LBR: variants seen among roughly 807,000 people sequenced by gnomAD.
LBR encodes delta(14)-sterol reductase LBR.
LBR carries 28 observed loss-of-function variants against 74.3 expected under a neutral mutation model. The ratio of observed to expected loss-of-function variants is 0.38; its 90% CI spans 0.28 to 0.52. The LOEUF is 0.52. Ranked by LOEUF, LBR falls within the 20% of genes least tolerant of loss-of-function variation. The pLI is 0.89. For missense variants in LBR, 717 were observed against 760.3 expected, an observed-to-expected ratio of 0.94 and a Z score of 0.67; for synonymous variants, 228 against 269.3, an observed-to-expected ratio of 0.85 and a Z score of 1.50.
At chr1:225,414,989 G>C (rs563970159) in intron 7 of LBR, among the ~76,000 whole-genome samples, 3 of 152,210 alleles carry the variant, frequency 2.0e-5, no homozygotes, top group Middle Eastern at 3.2e-3. Context: ...GCCCACATCC[G>C]TGTAACACCT....
chr1:225,415,275 C>A lies in LBR; in HGVS notation c.892+3G>T. 2 of 1,576,524 alleles carry A rather than the reference C, an allele frequency of 1.3e-6. No individual in the cohort carries two copies. The highest frequency in any genetic ancestry group is 1.1e-5 in the South Asian group (1 of 88,834). On this transcript the variant is annotated splice_donor_region_variant and intron_variant, in intron 7 of 13. Transcript: ENST00000272163. ...AATTTGAGTCTTAAAAAAAGAAAAT[C>A]ACCATTTAATCTATACTTGAGTCTT...
chr1:225,427,830 GCCAGGCCCCGCGCCCAGGGTC>G (rs1314039744), intron 1 of LBR, 103 bp downstream of exon 1: 7 of 152,322 alleles, frequency 4.6e-5, no homozygotes, highest in African/African-American at 1.7e-4. Flanking sequence ...AGGCCGCCGC[GCCAGGCCCCGCGCCCAGGGTC>G]CCCGGCCCGG....
intron 10 of LBR, among the ~76,000 whole-genome samples, chr1:225,409,749 A>C (rs1406072822): frequency 6.6e-6 from 1 of 152,254 alleles, no homozygotes; most frequent in African/African-American, 2.4e-5. Flanking sequence ...CCAGTCTTCA[A>C]CTAGTAGAAA....
chr1:225,408,012 C>A (rs936364181), intron 10 of LBR, among the ~76,000 whole-genome samples: 2 of 152,162 alleles, frequency 1.3e-5, no homozygotes, highest in Non-Finnish European at 2.9e-5. Context: ...TCCATCATCT[C>A]AAACACATTC....
chr1:225,420,133 C>A (rs1177397996), intron 3 of LBR, among the ~76,000 whole-genome samples: 1 of 152,012 alleles, frequency 6.6e-6, no homozygotes, highest in African/African-American at 2.4e-5. Context: ...CATGGTGAAA[C>A]CCTGTCTCTA....
At chr1:225,420,484 T>C (rs1019020215) in intron 3 of LBR, among the ~76,000 whole-genome samples, 2 of 152,078 alleles carry the variant, frequency 1.3e-5, no homozygotes, top group Non-Finnish European at 2.9e-5. Context: ...TGCTCCAAAA[T>C]AGCCCATAAT....
At chr1:225,406,881 G>A (rs1179149994) in intron 10 of LBR, 49 bp from the exon 11 acceptor site, 3 of 1,574,540 alleles carry the variant, frequency 1.9e-6, no homozygotes, top group Non-Finnish European at 2.6e-6. Context: ...TGTGTTTAAA[G>A]TATTCAAATA....
At position 225,422,219 on chromosome 1, in the gene LBR, C is replaced by A; in HGVS notation, c.224G>T (p.Arg75Leu). ...GCGTGACCTTGATCGACTCCCTCGG[C>A]GTCTGGAAGGGGAACTGGAAGTTGA... ...GGSTSSSPSRRRGSRSRSRSR... is the reference protein window; with the variant it reads ...GGSTSSSPSRLRGSRSRSRSR... Residue 75 changes from arginine (R) to leucine (L), a missense_variant, in exon 3 of 14, where the codon CGC becomes CTC. Arg to Leu is a moderately radical substitution (Grantham distance 102, BLOSUM62 -2). Transcript: ENST00000272163. The A allele has an allele frequency of 1.2e-6, 2 of 1,613,804 alleles. No individual in the cohort carries two copies. The highest frequency in any genetic ancestry group is 1.7e-6 in the Non-Finnish European group (2 of 1,179,996).
intron 13 of LBR, among the ~76,000 whole-genome samples, chr1:225,403,783 A>C (rs2150942664): frequency 6.6e-6 from 1 of 152,190 alleles, no homozygotes; most frequent in East Asian, 1.9e-4. Context: ...GCTGTCTTCC[A>C]CCACAGGCTG....
At chr1:225,412,360 G>T in intron 8 of LBR, 94 bp downstream of exon 8, 1 of 1,104,664 alleles carries the variant, frequency 9.1e-7, no homozygotes, top group Middle Eastern at 2.9e-4. Context: ...TCCCAAAAAT[G>T]AAGTTAGAAA....
chr1:225,404,420 C>T lies in LBR; in HGVS notation c.1671G>A (p.Ala557=), dbSNP rs151087316. The T allele has an allele frequency of 1.8e-5, 29 of 1,613,974 alleles. No homozygotes were observed. The highest frequency in any genetic ancestry group is 6.7e-5 in the East Asian group (3 of 44,890). Residue 557 remains alanine (A), a synonymous_variant, in exon 13 of 14, where the codon GCG becomes GCA. Transcript: ENST00000272163. ...NYLGDLIMAL[A]WSLPCGFNHI... ...AATGCTTACCACATGGGAGGGACCACGCCAAGGCCATGATGAGATCACCCA... is the reference window on the plus strand; with the variant it reads ...AATGCTTACCACATGGGAGGGACCATGCCAAGGCCATGATGAGATCACCCA...
At chr1:225,421,266 G>A (rs4999299) in intron 3 of LBR, among the ~76,000 whole-genome samples, 110,846 of 152,122 alleles carry the variant, frequency 0.73, 43,176 homozygotes, top group East Asian at 0.96. Context: ...GGCCGAGGCG[G>A]GTGGATCACG....
intron 1 of LBR, among the ~76,000 whole-genome samples, chr1:225,427,143 C>T (rs1006740200): frequency 1.3e-5 from 2 of 152,120 alleles, no homozygotes; most frequent in African/African-American, 4.8e-5. Context: ...GAACACCCGA[C>T]CGGGCCCCGT....
At chr1:225,403,495 ATTTTTATTATCAC>A in intron 13 of LBR, 32 bp from the exon 14 acceptor site, 1 of 1,525,502 alleles carries the variant, frequency 6.6e-7, no homozygotes, top group Non-Finnish European at 9.1e-7. Flanking sequence ...AGTATTAGAT[ATTTTTATTATCAC>A]TACAATGTAT....
chr1:225,423,808 C>G (rs1366832190), intron 2 of LBR, 103 bp downstream of exon 2: 11 of 1,114,196 alleles, frequency 9.9e-6, no homozygotes, highest in Non-Finnish European at 1.5e-5. Flanking sequence ...CAATCCTCTG[C>G]CTTCAAACCG....
intron 3 of LBR, among the ~76,000 whole-genome samples, chr1:225,420,309 C>A (rs148170166): frequency 4.7e-3 from 627 of 134,244 alleles, no homozygotes; most frequent in Middle Eastern, 7.5e-3. Flanking sequence ...AACTCCGCCT[C>A]AAAAAAAAAA....
At chr1:225,411,272 A>G (rs1374970156) in intron 9 of LBR, 65 bp downstream of exon 9, 2 of 1,157,162 alleles carry the variant, frequency 1.7e-6, no homozygotes, top group Admixed American at 3.4e-5. Flanking sequence ...AATGGTCTAC[A>G]TTTCTTTCTA....
intron 10 of LBR, among the ~76,000 whole-genome samples, chr1:225,409,252 C>T (rs543671102): frequency 7.9e-5 from 12 of 152,300 alleles, no homozygotes; most frequent in South Asian, 6.2e-4. Flanking sequence ...CCGTAATTAG[C>T]GGATAGCACT....
intron 10 of LBR, among the ~76,000 whole-genome samples, chr1:225,407,093 C>T (rs570554986): frequency 3.3e-5 from 5 of 152,248 alleles, no homozygotes; most frequent in African/African-American, 4.8e-5. Flanking sequence ...TGCCCAGGCC[C>T]TCCCCTCTGC....
Sources: allele counts gnomAD v4.1 joint callset (sites outside exome capture counted in the v4.1 genomes callset), GRCh38; gene constraint gnomAD v4.1.1; transcripts MANE v1.5; gene names NCBI Gene and HGNC (gene_info 2026-07-23, HGNC 2026-07-21).